RBMS3: variants seen among roughly 807,000 people sequenced by gnomAD.
RBMS3 encodes RNA-binding motif, single-stranded-interacting protein 3.
Under a neutral mutation model 66.8 loss-of-function variants are expected in RBMS3, and 27 were observed. The observed-to-expected ratio is 0.40, with a 90% confidence interval of 0.30 to 0.56. The LOEUF (loss-of-function observed/expected upper bound fraction) is 0.56. Among genes scored for constraint, RBMS3 ranks in the 20% least tolerant of loss-of-function variants. The pLI is 0.40. For missense variants in RBMS3, 513 were observed against 549.5 expected (o/e 0.93, Z 0.66); for synonymous variants, 188 against 183.0 (o/e 1.03, Z -0.22).
intron 4 of RBMS3, among the ~76,000 whole-genome samples, chr3:29,702,499 T>C (rs1269243827): frequency 6.6e-6 from 1 of 152,214 alleles, no homozygotes; most frequent in African/African-American, 2.4e-5. Flanking sequence ...TCTTTCACTC[T>C]GTGGAAGCTT....
chr3:29,310,070 A>AT (rs1199945716), intron 1 of RBMS3, among the ~76,000 whole-genome samples: 1 of 151,692 alleles, frequency 6.6e-6, no homozygotes, highest in African/African-American at 2.4e-5. Context: ...GAGTAAAAAA[A>AT]TGCCATTAAA....
intron 6 of RBMS3, among the ~76,000 whole-genome samples, chr3:29,798,094 G>A (rs1336312037): frequency 4.0e-5 from 6 of 151,836 alleles, no homozygotes; most frequent in Admixed American, 3.9e-4. Context: ...TCAGTTTGCT[G>A]TCTTAAATGG....
chr3:29,954,711 T>G (rs778669820), intron 12 of RBMS3, among the ~76,000 whole-genome samples: 2 of 152,004 alleles, frequency 1.3e-5, no homozygotes, highest in Non-Finnish European at 2.9e-5. Context: ...CTACAATGTA[T>G]TTTGAATCTG....
chr3:29,292,602 G>A (rs1197628004), intron 1 of RBMS3, among the ~76,000 whole-genome samples: 3 of 151,726 alleles, frequency 2.0e-5, no homozygotes, highest in South Asian at 2.1e-4. Flanking sequence ...CATAATAGTC[G>A]TTTAAACTGT....
chr3:29,826,886 A>G (rs2058225613), intron 6 of RBMS3, among the ~76,000 whole-genome samples: 1 of 152,178 alleles, frequency 6.6e-6, no homozygotes, highest in Non-Finnish European at 1.5e-5. Context: ...GTGGGGAAAA[A>G]TTGTAAATGA....
chr3:29,316,602 AT>A (rs1202300385), intron 1 of RBMS3, among the ~76,000 whole-genome samples: 3 of 151,650 alleles, frequency 2.0e-5, no homozygotes, highest in Non-Finnish European at 4.4e-5. Flanking sequence ...ACCTAAACAA[AT>A]GAGTTTAGGT....
intron 7 of RBMS3, among the ~76,000 whole-genome samples, chr3:29,882,378 C>A (rs2059757311): frequency 6.6e-6 from 1 of 152,050 alleles, no homozygotes; most frequent in South Asian, 2.1e-4. Flanking sequence ...TCTCAGTCCC[C>A]CAGCTTGTCA....
chr3:29,581,874 C>G (rs533700082), intron 3 of RBMS3, among the ~76,000 whole-genome samples: 1 of 152,072 alleles, frequency 6.6e-6, no homozygotes. Flanking sequence ...CATTACTTTC[C>G]CCCAATACAC....
intron 1 of RBMS3, among the ~76,000 whole-genome samples, chr3:29,359,244 G>A (rs574442179): frequency 2.0e-5 from 3 of 152,124 alleles, no homozygotes; most frequent in African/African-American, 4.8e-5. Flanking sequence ...TTATTGAGAG[G>A]TTTTAGCATG....
At chr3:29,962,151 C>G (rs886720832) in intron 12 of RBMS3, among the ~76,000 whole-genome samples, 3 of 148,442 alleles carry the variant, frequency 2.0e-5, no homozygotes, top group Non-Finnish European at 1.5e-5. Context: ...TTTTTGAAGA[C>G]TGACATAATT....
At chr3:29,300,556 T>C (rs1476519529) in intron 1 of RBMS3, among the ~76,000 whole-genome samples, 1 of 152,040 alleles carries the variant, frequency 6.6e-6, no homozygotes, top group African/African-American at 2.4e-5. Context: ...AGTTTTATAA[T>C]ATGATTCCAA....
intron 1 of RBMS3, among the ~76,000 whole-genome samples, chr3:29,344,157 C>T (rs143640419): frequency 8.5e-4 from 130 of 152,262 alleles, no homozygotes; most frequent in Non-Finnish European, 1.5e-3. Context: ...TCCTTCCTTA[C>T]GTCTGTCCTT....
At chr3:29,513,734 C>T (rs748863984) in intron 3 of RBMS3, among the ~76,000 whole-genome samples, 7 of 151,948 alleles carry the variant, frequency 4.6e-5, no homozygotes, top group Non-Finnish European at 8.8e-5. Context: ...TGCGAGACAC[C>T]ACATATTTTG....
intron 4 of RBMS3, among the ~76,000 whole-genome samples, chr3:29,601,698 CA>C (rs1330420537): frequency 6.6e-6 from 1 of 152,014 alleles, no homozygotes; most frequent in Non-Finnish European, 1.5e-5. Context: ...ACAAAGTTGT[CA>C]CACTATCTTG....
chr3:29,795,564 C>T (rs1224578251), intron 6 of RBMS3, among the ~76,000 whole-genome samples: 1 of 152,212 alleles, frequency 6.6e-6, no homozygotes. Flanking sequence ...TAGCCTAAAA[C>T]TGTATATCAC....
intron 1 of RBMS3, among the ~76,000 whole-genome samples, chr3:29,288,540 T>C (rs778580528): frequency 4.1e-4 from 63 of 152,006 alleles, no homozygotes; most frequent in Middle Eastern, 3.2e-3. Context: ...TCCAAAAACT[T>C]AATTGTGATA....
chr3:29,433,991 G>A lies in RBMS3; in HGVS notation c.76-752G>A, dbSNP rs145960843. The stretch of plus-strand genomic sequence containing the variant: ...CTAGAATCTGGGAGATAGAGGCTAA[G>A]GATGCTACTAAACATCCTACAGTGA... On this transcript the variant is annotated intron_variant, in intron 1 of 14. Transcript: ENST00000383767. 8.5e-5 allele frequency among the ~76,000 whole-genome samples: 13 copies of A among 152,296 alleles called. No individual in the cohort carries two copies. The East Asian group carries it at 2.3e-3, about 27-fold the overall frequency.
intron 2 of RBMS3, among the ~76,000 whole-genome samples, chr3:29,474,399 A>G (rs143031862): frequency 3.3e-5 from 5 of 152,344 alleles, no homozygotes; most frequent in African/African-American, 1.2e-4. Context: ...TAAACAGTTT[A>G]TGTTTAGTAC....
At chr3:29,480,914 G>A (rs1258761029) in intron 2 of RBMS3, among the ~76,000 whole-genome samples, 2 of 152,048 alleles carry the variant, frequency 1.3e-5, no homozygotes, top group Non-Finnish European at 2.9e-5. Context: ...GGGGAGAAAA[G>A]GAGAAGCAGG....
Sources: gnomAD v4.1 joint callset for allele counts (sites outside exome capture counted in the v4.1 genomes callset) on GRCh38, gnomAD v4.1.1 for gene constraint, MANE v1.5 for transcripts, NCBI Gene and HGNC (gene_info 2026-07-23, HGNC 2026-07-21) for gene names.